The following CNTN4 variants were observed in gnomAD, a reference collection of about 807,000 sequenced individuals.
CNTN4 encodes contactin-4.
CNTN4 carries 77 observed loss-of-function variants against 122.5 expected under a neutral mutation model. The observed-to-expected ratio is 0.63, with a 90% CI of 0.52 to 0.76. The LOEUF is 0.76. Among genes scored for constraint, CNTN4 ranks in the 30% least tolerant of loss-of-function variants. The pLI is 0.00. For synonymous variants in CNTN4, 512 were observed against 447.0 expected, an observed-to-expected ratio of 1.15 and a Z score of -1.83; for missense variants, 1,256 against 1,259.1, an observed-to-expected ratio of 1.00 and a Z score of 0.04.
intron 3 of CNTN4, among the ~76,000 whole-genome samples, chr3:2,355,519 G>A (rs1159819756): frequency 6.6e-6 from 1 of 152,116 alleles, no homozygotes; most frequent in African/African-American, 2.4e-5. Flanking sequence ...CAGGAGCAAA[G>A]GTTACCTTTC....
rs115755407 is a variant in CNTN4, at chr3:3,023,083, G to C, written c.1487-3019G>C. On this transcript the variant is annotated intron_variant, in intron 14 of 24. Coordinates refer to ENST00000418658, the MANE Select transcript of CNTN4 (RefSeq NM_175607.3). ...AAGCCATCTGTTTGTTTGTATACAG[G>C]GTTTGTATTCAAATTTTAGGAAATT... is the stretch of plus-strand genomic sequence containing the variant. Among the ~76,000 whole-genome samples, 468 of 152,108 alleles carry C rather than the reference G, an allele frequency of 3.1e-3. 3 individuals are homozygous for C. The highest frequency in any genetic ancestry group is 0.011 in the African/African-American group (450 of 41,480).
At chr3:2,154,051 T>C (rs2035607415) in intron 2 of CNTN4, among the ~76,000 whole-genome samples, 1 of 152,188 alleles carries the variant, frequency 6.6e-6, no homozygotes. Flanking sequence ...AAATTTACAT[T>C]CTGTTATTTT....
chr3:2,164,854 T>TA (rs901486821), intron 2 of CNTN4, among the ~76,000 whole-genome samples: 41 of 151,864 alleles, frequency 2.7e-4, no homozygotes, highest in South Asian at 4.2e-4. Context: ...ATGTACTGTT[T>TA]AAAAAAAACA....
rs77544309 is a variant in CNTN4 at position 3,021,342 on chromosome 3, G to T, written c.1487-4760G>T. ...ATTCATCCGTAGAGATGCTACCTCA[G>T]GATTATTGTCATCATTAATCAACAC... On this transcript the variant is annotated intron_variant, in intron 14 of 24. Transcript: ENST00000418658. 4.0e-3 allele frequency among the ~76,000 whole-genome samples: 610 copies of T among 152,170 alleles called. 2 individuals are homozygous for T. The highest frequency in any genetic ancestry group is 0.014 in the African/African-American group (564 of 41,510).
At chr3:2,770,723 A>C (rs918607077) in intron 6 of CNTN4, among the ~76,000 whole-genome samples, 3 of 152,234 alleles carry the variant, frequency 2.0e-5, no homozygotes, top group African/African-American at 7.2e-5. Context: ...TGTGGCTAAG[A>C]ACTGCTGTTT....
chr3:2,811,023 A>G (rs2092592914), intron 6 of CNTN4, among the ~76,000 whole-genome samples: 1 of 151,056 alleles, frequency 6.6e-6, no homozygotes, highest in African/African-American at 2.5e-5. Flanking sequence ...TCTGAAAAAA[A>G]AAAGAAAAAA....
chr3:2,121,898 T>G (rs1202773418), intron 2 of CNTN4, among the ~76,000 whole-genome samples: 1 of 152,056 alleles, frequency 6.6e-6, no homozygotes, highest in African/African-American at 2.4e-5. Flanking sequence ...TATTTTTCTT[T>G]ATCACACCTG....
At position 2,334,499 on chromosome 3, in the gene CNTN4, G is replaced by A. The variant is rs149091044; in HGVS notation, c.-144-4679G>A. Among the ~76,000 whole-genome samples, 20 of 152,188 alleles carry A rather than the reference G, an allele frequency of 1.3e-4. No homozygotes were observed. In the East Asian group the frequency reaches 2.5e-3, roughly 19 times the overall value. ...AGAACCTTTCAAGGTAGATAATTTT[G>A]GCCCTGTCTTACAGATGATAACAAC... On this transcript the variant is annotated intron_variant, in intron 2 of 24. Coordinates refer to ENST00000418658, the MANE Select transcript of CNTN4 (RefSeq NM_175607.3).
intron 3 of CNTN4, among the ~76,000 whole-genome samples, chr3:2,365,129 A>C (rs2045321913): frequency 6.6e-6 from 1 of 152,108 alleles, no homozygotes; most frequent in South Asian, 2.1e-4. Flanking sequence ...AAAAGACTGT[A>C]ATGTGATTTG....
chr3:2,231,859 G>T (rs888965883), intron 2 of CNTN4, among the ~76,000 whole-genome samples: 9 of 152,190 alleles, frequency 5.9e-5, no homozygotes, highest in African/African-American at 2.2e-4. Context: ...TTGCAATTCA[G>T]ATTGCAAGGA....
intron 12 of CNTN4, among the ~76,000 whole-genome samples, chr3:2,905,157 T>C (rs531985184): frequency 2.7e-4 from 41 of 152,376 alleles, no homozygotes; most frequent in Non-Finnish European, 5.4e-4. Context: ...AAGGAGTTTA[T>C]TTAAAAATCA....
intron 2 of CNTN4, among the ~76,000 whole-genome samples, chr3:2,279,749 T>C (rs1481260568): frequency 6.6e-6 from 1 of 151,782 alleles, no homozygotes; most frequent in East Asian, 1.9e-4. Context: ...GGTATATATA[T>C]ATGATATATA....
At chr3:3,038,808 C>A in intron 18 of CNTN4, 125 bp from the exon 19 acceptor site, 2 of 720,644 alleles carry the variant, frequency 2.8e-6, no homozygotes, top group Admixed American at 2.2e-5. Flanking sequence ...TGTTGCTGAT[C>A]TCCAGAGACA....
intron 2 of CNTN4, among the ~76,000 whole-genome samples, chr3:2,193,960 T>G (rs577106090): frequency 1.3e-5 from 2 of 152,288 alleles, no homozygotes; most frequent in South Asian, 2.1e-4. Context: ...ATTCCCACAA[T>G]GATAAAATTG....
intron 3 of CNTN4, among the ~76,000 whole-genome samples, chr3:2,446,288 C>T (rs151094863): frequency 0.017 from 2,619 of 152,174 alleles, 67 homozygotes; most frequent in African/African-American, 0.055. Context: ...TGCTGTGGCA[C>T]GGTCCTGTTT....
chr3:2,886,249 T>G (rs1426448292), intron 9 of CNTN4, among the ~76,000 whole-genome samples: 1 of 151,782 alleles, frequency 6.6e-6, no homozygotes, highest in East Asian at 2.0e-4. Flanking sequence ...ATACAAAAAT[T>G]AGCTAGGCAT....
chr3:2,104,251 TGTGTGC>T (rs891220933), intron 2 of CNTN4, among the ~76,000 whole-genome samples: 90 of 142,226 alleles, frequency 6.3e-4, no homozygotes, highest in African/African-American at 1.7e-3. Flanking sequence ...TGTGTGTGTG[TGTGTGC>T]GTTTCAAGTC....
chr3:2,711,125 C>T (rs1164518709), intron 4 of CNTN4, among the ~76,000 whole-genome samples: 1 of 152,158 alleles, frequency 6.6e-6, no homozygotes, highest in Non-Finnish European at 1.5e-5. Context: ...TTTTTGATGA[C>T]TTCCTCAGGC....
chr3:2,725,031 CT>C (rs528102708), intron 4 of CNTN4, among the ~76,000 whole-genome samples: 43 of 152,298 alleles, frequency 2.8e-4, no homozygotes, highest in Middle Eastern at 3.4e-3. Context: ...CAAAGCAGAT[CT>C]TCTAGATCAT....
Sources: allele counts gnomAD v4.1 joint callset (sites outside exome capture counted in the v4.1 genomes callset), GRCh38; gene constraint gnomAD v4.1.1; transcripts MANE v1.5; gene names NCBI Gene and HGNC (gene_info 2026-07-23, HGNC 2026-07-21).